The following NDUFAB1 variants were observed in gnomAD, a reference collection of about 807,000 sequenced individuals.
NDUFAB1 encodes NADH:ubiquinone oxidoreductase subunit AB1, also known as acyl carrier protein, mitochondrial.
A neutral mutation model predicts 16.1 loss-of-function variants in NDUFAB1; 5 were observed. That is an observed-to-expected ratio of 0.31 (90% CI 0.16 to 0.65). The LOEUF is 0.65. NDUFAB1 is among the 30% of genes least tolerant of loss of function. The pLI is 0.77. For synonymous variants in NDUFAB1, 85 were observed against 78.4 expected, an observed-to-expected ratio of 1.08 and a Z score of -0.44; for missense variants, 187 against 205.3, an observed-to-expected ratio of 0.91 and a Z score of 0.54.
At chr16:23,584,383 T>C (rs531224439) in intron 3 of NDUFAB1, among the ~76,000 whole-genome samples, 1 of 151,760 alleles carries the variant, frequency 6.6e-6, no homozygotes, top group Admixed American at 6.6e-5. Flanking sequence ...ATGTAAATGG[T>C]ATATAACGTG....
intron 3 of NDUFAB1, among the ~76,000 whole-genome samples, chr16:23,582,838 C>T (rs1289526388): frequency 6.6e-6 from 1 of 151,676 alleles, no homozygotes; most frequent in Admixed American, 6.6e-5. Context: ...CCCTCTCCCT[C>T]TCTTTCCATG....
At chr16:23,590,638 C>CTTTTTT (rs398042088) in intron 1 of NDUFAB1, among the ~76,000 whole-genome samples, 1 of 131,836 alleles carries the variant, frequency 7.6e-6, no homozygotes. Flanking sequence ...CCTCTGGTCT[C>CTTTTTT]TTTTTTTTTT....
chr16:23,586,542 C>G (rs1250417012), intron 2 of NDUFAB1, among the ~76,000 whole-genome samples: 1 of 150,914 alleles, frequency 6.6e-6, no homozygotes, highest in East Asian at 2.0e-4. Context: ...ACCATCTTGG[C>G]CAGGCTGCTC....
chr16:23,582,731 C>G (rs1470808073), intron 3 of NDUFAB1, among the ~76,000 whole-genome samples: 3 of 150,920 alleles, frequency 2.0e-5, no homozygotes, highest in South Asian at 4.2e-4. Flanking sequence ...CACGGTCTCC[C>G]TCTCCCTCTC....
intron 2 of NDUFAB1, among the ~76,000 whole-genome samples, chr16:23,586,201 C>T (rs919246633): frequency 2.0e-5 from 3 of 152,130 alleles, no homozygotes; most frequent in Non-Finnish European, 4.4e-5. Context: ...GCTGGGATTA[C>T]AGGCGTGAGC....
intron 2 of NDUFAB1, 140 bp from the exon 3 acceptor site, chr16:23,585,563 CAGGTTTGTTACAT>C (rs1966225382): frequency 1.6e-6 from 1 of 629,512 alleles, no homozygotes. Context: ...GCACAACGTG[CAGGTTTGTTACAT>C]AGGTATACAT....
intron 1 of NDUFAB1, chr16:23,595,635 G>A (rs1432197105): frequency 1.5e-5 from 7 of 457,308 alleles, no homozygotes; most frequent in Non-Finnish European, 2.6e-5. Flanking sequence ...ACAGGCAGAA[G>A]GTGCTGCAGG....
intron 1 of NDUFAB1, among the ~76,000 whole-genome samples, chr16:23,588,387 G>A (rs544722447): frequency 3.3e-5 from 5 of 152,258 alleles, no homozygotes; most frequent in African/African-American, 9.6e-5. Flanking sequence ...TGTGGGAGGA[G>A]AGGTTGCAGT....
At chr16:23,595,357 A>G in intron 1 of NDUFAB1, 1 of 355,248 alleles carries the variant, frequency 2.8e-6, no homozygotes, top group South Asian at 2.1e-5. Context: ...TACTACAGGT[A>G]CAGTCGTTCC....
rs59790418 is a variant in NDUFAB1 at position 23,589,710 on chromosome 16, G to A, written c.169-2391C>T. ...AGCACTTTGGGAGGCCAAGGTGGGC[G>A]GATCTCTTGAGGTCAGGAGTTTAAG... On this transcript the variant is annotated intron_variant, in intron 1 of 4. Coordinates refer to ENST00000007516, the MANE Select transcript of NDUFAB1 (RefSeq NM_005003.3). Among the ~76,000 whole-genome samples the A allele has an allele frequency of 3.8e-3, 570 of 151,744 alleles. 6 individuals carry two copies. Among genetic ancestry groups the A allele is most frequent in the African/African-American group, 0.013 (540 of 41,364 alleles).
chr16:23,595,015 G>A (rs1177444222), intron 1 of NDUFAB1, among the ~76,000 whole-genome samples: 3 of 151,824 alleles, frequency 2.0e-5, no homozygotes, highest in Admixed American at 1.3e-4. Context: ...CACTTTGGGA[G>A]GCCGAGGCGG....
intron 1 of NDUFAB1, among the ~76,000 whole-genome samples, chr16:23,594,312 C>T (rs560728709): frequency 6.6e-6 from 1 of 152,274 alleles, no homozygotes; most frequent in South Asian, 2.1e-4. Flanking sequence ...TTGATGACTT[C>T]TAAAAATAGT....
chr16:23,584,251 C>T (rs1177945890), intron 3 of NDUFAB1, among the ~76,000 whole-genome samples: 7 of 12,186 alleles, frequency 5.7e-4, no homozygotes, highest in Non-Finnish European at 1.1e-3. Flanking sequence ...CAAGAATGAT[C>T]AATTAAAAAA....
intron 1 of NDUFAB1, among the ~76,000 whole-genome samples, chr16:23,589,351 A>T (rs903089563): frequency 1.3e-5 from 2 of 151,958 alleles, no homozygotes; most frequent in African/African-American, 4.8e-5. Context: ...GATGAGTTGG[A>T]GAGTATGATA....
chr16:23,586,809 C>T (rs928826935), intron 2 of NDUFAB1, among the ~76,000 whole-genome samples: 9 of 151,942 alleles, frequency 5.9e-5, no homozygotes, highest in African/African-American at 1.2e-4. Flanking sequence ...CCACCATGCC[C>T]GGCTAATTTT....
chr16:23,582,132 G>T, intron 4 of NDUFAB1, 144 bp downstream of exon 4: 1 of 1,010,768 alleles, frequency 9.9e-7, no homozygotes, highest in Non-Finnish European at 1.3e-6. Context: ...CCTTTGAGTG[G>T]CAGACAACAG....
intron 1 of NDUFAB1, among the ~76,000 whole-genome samples, chr16:23,587,599 C>T (rs557900727): frequency 3.3e-5 from 5 of 152,334 alleles, no homozygotes; most frequent in African/African-American, 4.8e-5. Flanking sequence ...TACTGCTCTG[C>T]GACACTAACT....
At chr16:23,582,533 T>C (rs992470654) in intron 3 of NDUFAB1, among the ~76,000 whole-genome samples, 158 bp from the exon 4 acceptor site, 3 of 152,034 alleles carry the variant, frequency 2.0e-5, no homozygotes, top group Admixed American at 6.6e-5. Context: ...CTAGACAGTA[T>C]GCATACAGGT....
rs576251295 is a variant in NDUFAB1 at position 23,584,674 on chromosome 16, CCTGA to C, written c.379+658_379+661del. On this transcript the variant is annotated intron_variant, in intron 3 of 4. Transcript: ENST00000007516. ...ATACAGTTACTTGTCCAGGCTCATA[CCTGA>C]CTAAGCTCAATTCCAGACCTGGTAC... Among the ~76,000 whole-genome samples, 15 of 152,252 alleles carry C rather than the reference CCTGA, an allele frequency of 9.9e-5. No individual in the cohort carries two copies. In the East Asian group the frequency reaches 1.7e-3, roughly 18 times the overall value.
Sources: gnomAD v4.1 joint callset for allele counts (sites outside exome capture counted in the v4.1 genomes callset) on GRCh38, gnomAD v4.1.1 for gene constraint, MANE v1.5 for transcripts, NCBI Gene and HGNC (gene_info 2026-07-23, HGNC 2026-07-21) for gene names.